The following CCDC88A variants were observed in gnomAD, a reference collection of about 807,000 sequenced individuals.
The protein encoded by CCDC88A is coiled-coil and HOOK domain protein 88A, also known as girdin.
Under a neutral mutation model 234.3 loss-of-function variants are expected in CCDC88A, and 54 were observed. The ratio of observed to expected loss-of-function variants is 0.23; its 90% CI spans 0.19 to 0.29. The LOEUF (loss-of-function observed/expected upper bound fraction) is 0.29, where lower values mean the gene tolerates loss of function less well. Among genes scored for constraint, CCDC88A ranks in the 10% least tolerant of loss-of-function variants. The pLI, the probability that CCDC88A is intolerant of heterozygous loss-of-function variation, is 1.00. For missense variants in CCDC88A, 1,832 were observed against 2,123.4 expected, an observed-to-expected ratio of 0.86 and a Z score of 2.70; for synonymous variants, 753 against 737.8, an observed-to-expected ratio of 1.02 and a Z score of -0.33.
chr2:55,383,828 T>C (rs902872168), intron 3 of CCDC88A, among the ~76,000 whole-genome samples: 1 of 152,100 alleles, frequency 6.6e-6, no homozygotes, highest in African/African-American at 2.4e-5. Flanking sequence ...CAATGTGTCA[T>C]ATATTAAACC....
chr2:55,407,664 C>T (rs1398384682), intron 2 of CCDC88A, among the ~76,000 whole-genome samples: 5 of 151,060 alleles, frequency 3.3e-5, no homozygotes, highest in Non-Finnish European at 5.9e-5. Context: ...CCTTTTTTTC[C>T]TTCCCCACTA....
At position 55,296,453 on chromosome 2, in the gene CCDC88A, A is replaced by T. The variant is rs1170165301; in HGVS notation, c.4896T>A (p.His1632Gln). 6.2e-7 allele frequency: 1 copy of T among 1,614,178 alleles called. No individual in the cohort carries two copies. The highest frequency in any genetic ancestry group is 8.5e-7 in the Non-Finnish European group (1 of 1,179,998). The change falls in exon 30 of 33, where the codon CAT (histidine) becomes CAA (glutamine). Residue 1632 changes from histidine to glutamine, a missense_variant. Transcript: ENST00000436346. ...TGCTACCACTGCTGGACCAAGCCTCATGGTCATGAAGCAGGCTAAATTCTC... is the reference window on the plus strand; with the variant it reads ...TGCTACCACTGCTGGACCAAGCCTCTTGGTCATGAAGCAGGCTAAATTCTC... The part of the protein sequence containing the change: ...SSGEFSLLHD[H>Q]EAWSSSGSSP...
At chr2:55,349,434 G>T in intron 9 of CCDC88A, 84 bp downstream of exon 9, 1 of 961,146 alleles carries the variant, frequency 1.0e-6, no homozygotes, top group Non-Finnish European at 1.6e-6. Flanking sequence ...ATAAAGCATT[G>T]AAGTAAAGGT....
chr2:55,343,611 T>C, intron 12 of CCDC88A, 37 bp downstream of exon 12: 1 of 1,508,812 alleles, frequency 6.6e-7, no homozygotes, highest in Non-Finnish European at 9.0e-7. Flanking sequence ...AACTTCATGA[T>C]TCGATTATCT....
chr2:55,308,783 G>A (rs544377552), intron 25 of CCDC88A, 26 bp downstream of exon 25: 13 of 1,539,226 alleles, frequency 8.4e-6, no homozygotes, highest in Middle Eastern at 1.7e-4. Context: ...AAATCAATAC[G>A]ATGTTTAAAG....
chr2:55,334,256 A>T lies in CCDC88A; in HGVS notation c.2565T>A (p.Asn855Lys). 1 of 1,436,890 alleles carries T rather than the reference A, an allele frequency of 7.0e-7. No homozygotes were observed. Among genetic ancestry groups the T allele is most frequent in the Non-Finnish European group, 9.1e-7 (1 of 1,098,264 alleles). 89.0% of individuals were successfully genotyped at this position (1,436,890 alleles called of 1,614,324 possible). The change falls in exon 15 of 33, where the codon AAT becomes AAA. Residue 855 changes from asparagine to lysine, a missense_variant. By Grantham distance (94) the Asn-to-Lys change is moderately conservative (BLOSUM62 0). Coordinates refer to ENST00000436346, the MANE Select transcript of CCDC88A (RefSeq NM_001365480.1). This position sits in a 1 kb window ranked among gnomAD's most constrained non-coding sequence, Gnocchi z 6.1. Reference protein sequence around the residue: ...AEIKDTTLEENNVKIGNLEKE... With the variant: ...AEIKDTTLEEKNVKIGNLEKE... ...TTTCCAAATTTCCAATCTTCACATT[A>T]TTTTCTTCTAATGTGGTATCTTTAA... is the stretch of plus-strand genomic sequence containing the variant.
Position 55,316,120 on chromosome 2 carries a change from AT to A in CCDC88A, c.3747-7del. ...GACTATAGGTATGATTCAGCCTATA[AT>A]TAGAAATCATAGAAATATAATTAGA... On this transcript the variant is annotated splice_region_variant and splice_polypyrimidine_tract_variant and intron_variant, in intron 21 of 32. Transcript: ENST00000436346. 2 of 1,232,270 alleles carry A rather than the reference AT, an allele frequency of 1.6e-6. No individual in the cohort carries two copies. Among genetic ancestry groups the A allele is most frequent in the Non-Finnish European group, 2.2e-6 (2 of 889,104 alleles). The allele number at this position is 1,232,270 out of a possible 1,614,324, so 76.3% of individuals were successfully genotyped here.
rs1680063912 is a variant in CCDC88A at position 55,296,658 on chromosome 2, T to A, written c.4826-135A>T. ...CTTTCAAGCTTTATTTAGAAATGCT[T>A]AGTAAACCATGTCAATCTTTTATCA... On this transcript the variant is annotated intron_variant, in intron 29 of 32. Coordinates refer to ENST00000436346, the MANE Select transcript of CCDC88A (RefSeq NM_001365480.1). 3 of 788,430 alleles carry A rather than the reference T, an allele frequency of 3.8e-6. No individual in the cohort carries two copies. In the South Asian group the frequency reaches 5.4e-5, roughly 14 times the overall value. The allele number at this position is 788,430 out of a possible 1,614,324, so 48.8% of individuals were successfully genotyped here. A position where few individuals can be genotyped will look rare whatever the true frequency, so the allele number is the denominator to read the frequency against.
chr2:55,313,956 T>C (rs1465244863), intron 22 of CCDC88A: 2 of 152,210 alleles, frequency 1.3e-5, no homozygotes, highest in African/African-American at 4.8e-5. Flanking sequence ...CTATGCCCTC[T>C]TGCAATGTGA....
intron 7 of CCDC88A, 85 bp downstream of exon 7, chr2:55,362,223 G>A (rs752485783): frequency 4.8e-6 from 5 of 1,037,674 alleles, no homozygotes; most frequent in Admixed American, 3.0e-5. Context: ...CTAAGAAATA[G>A]TATCGTTTCT....
intron 17 of CCDC88A, among the ~76,000 whole-genome samples, chr2:55,327,082 GAC>G (rs987963849): frequency 2.6e-5 from 4 of 151,980 alleles, no homozygotes; most frequent in African/African-American, 9.7e-5. Context: ...TAGTTAACCA[GAC>G]ACAGTTCTAA....
At chr2:55,384,575 A>G (rs143254923) in intron 3 of CCDC88A, among the ~76,000 whole-genome samples, 422 of 35,566 alleles carry the variant, frequency 0.012, 128 homozygotes, top group African/African-American at 0.026. Flanking sequence ...ATATACGTAT[A>G]TATGTGTATA....
At chr2:55,378,374 A>G (rs1674045153) in intron 3 of CCDC88A, among the ~76,000 whole-genome samples, 1 of 152,232 alleles carries the variant, frequency 6.6e-6, no homozygotes, top group Admixed American at 6.5e-5. Context: ...ACTTACCTCC[A>G]TATCATCTAA....
chr2:55,302,691 T>A (rs886494290), intron 26 of CCDC88A: 3 of 159,890 alleles, frequency 1.9e-5, no homozygotes, highest in Non-Finnish European at 4.1e-5. Context: ...ATTTAATTAA[T>A]CTGGTTCATT....
intron 3 of CCDC88A, among the ~76,000 whole-genome samples, chr2:55,375,097 T>C (rs1316574629): frequency 1.3e-5 from 2 of 152,146 alleles, no homozygotes; most frequent in African/African-American, 2.4e-5. Flanking sequence ...GTTAATAATA[T>C]ATGAGGCTGG....
intron 8 of CCDC88A, among the ~76,000 whole-genome samples, chr2:55,353,240 A>C (rs1307416624): frequency 6.6e-6 from 1 of 152,196 alleles, no homozygotes; most frequent in Non-Finnish European, 1.5e-5. Context: ...GCAAAACCTT[A>C]AACGAATTCA....
At position 55,349,444 on chromosome 2, in the gene CCDC88A, T is replaced by C. The variant is rs1030138443; in HGVS notation, c.882+74A>G. 1.7e-5 allele frequency: 18 copies of C among 1,076,072 alleles called. No individual in the cohort carries two copies. In the East Asian group the frequency reaches 3.6e-4, roughly 21 times the overall value. The allele number at this position is 1,076,072 out of a possible 1,614,324, so 66.7% of individuals were successfully genotyped here. A position where few individuals can be genotyped will look rare whatever the true frequency, so the allele number is the denominator to read the frequency against. ...TTTACATAAAGCATTGAAGTAAAGGTTATAAATTACAAGGAAGAAAATCAA... is the reference window on the plus strand; with the variant it reads ...TTTACATAAAGCATTGAAGTAAAGGCTATAAATTACAAGGAAGAAAATCAA... On this transcript the variant is annotated intron_variant, in intron 9 of 32. Transcript: ENST00000436346.
At chr2:55,398,109 A>G (rs1227344175) in intron 2 of CCDC88A, among the ~76,000 whole-genome samples, 1 of 152,206 alleles carries the variant, frequency 6.6e-6, no homozygotes. Flanking sequence ...GGTGAATGAA[A>G]ATTTTTTATA....
chr2:55,336,864 C>T (rs1483443893), intron 13 of CCDC88A, 46 bp from the exon 14 acceptor site: 5 of 1,232,520 alleles, frequency 4.1e-6, no homozygotes, highest in Admixed American at 4.6e-5. Flanking sequence ...TATTCTGTAA[C>T]AGTGAAAACA....
Sources: allele counts gnomAD v4.1 joint callset (sites outside exome capture counted in the v4.1 genomes callset), GRCh38; gene constraint gnomAD v4.1.1; non-coding constraint Gnocchi (gnomAD v3.1); transcripts MANE v1.5; gene names NCBI Gene and HGNC (gene_info 2026-07-23, HGNC 2026-07-21).